METAP2: variants seen among roughly 807,000 people sequenced by gnomAD.
METAP2 encodes the protein methionyl aminopeptidase 2.
METAP2 carries 25 observed loss-of-function variants against 59.4 expected under a neutral mutation model. That is an observed-to-expected ratio of 0.42 (90% CI 0.31 to 0.59). METAP2 has a LOEUF of 0.59. METAP2 is among the 20% of genes least tolerant of loss of function. The pLI is 0.16. For missense variants in METAP2, 366 were observed against 581.2 expected, an observed-to-expected ratio of 0.63 and a Z score of 3.81; for synonymous variants, 214 against 194.1, an observed-to-expected ratio of 1.10 and a Z score of -0.85.
At chr12:95,481,862 T>TA (rs1435897068) in intron 2 of METAP2, among the ~76,000 whole-genome samples, 3 of 152,214 alleles carry the variant, frequency 2.0e-5, no homozygotes, top group Admixed American at 6.5e-5. Flanking sequence ...CTAAAACAAA[T>TA]ACTTCAAGAT....
chr12:95,474,339 A>T lies in METAP2; in HGVS notation c.151+9A>T. On this transcript the variant is annotated intron_variant, in intron 1 of 10. Transcript: ENST00000323666. Reference sequence around the variant, plus strand: ...CAAAGGGCCTTCTGCAGGTAAAGAGAGTTTTATGTTTTCCCAGTCCCCTCC... The same window carrying T: ...CAAAGGGCCTTCTGCAGGTAAAGAGTGTTTTATGTTTTCCCAGTCCCCTCC... 2 of 1,613,022 alleles carry T rather than the reference A, an allele frequency of 1.2e-6. No homozygotes were observed. The highest frequency in any genetic ancestry group is 1.7e-6 in the Non-Finnish European group (2 of 1,179,504).
At chr12:95,490,306 C>G (rs1245810629) in intron 4 of METAP2, among the ~76,000 whole-genome samples, 1 of 140,808 alleles carries the variant, frequency 7.1e-6, no homozygotes, top group African/African-American at 2.7e-5. Context: ...CATTTGAGAT[C>G]AGACTGCATT....
At chr12:95,513,261 T>C (rs980376696) in intron 10 of METAP2, among the ~76,000 whole-genome samples, 1 of 152,212 alleles carries the variant, frequency 6.6e-6, no homozygotes, top group Non-Finnish European at 1.5e-5. Context: ...TCAATTTACA[T>C]TGAAATTTTT....
At chr12:95,487,316 A>ATTT (rs5800208) in intron 4 of METAP2, among the ~76,000 whole-genome samples, 3 of 148,512 alleles carry the variant, frequency 2.0e-5, no homozygotes, top group Non-Finnish European at 4.5e-5. Context: ...TAAAGACACC[A>ATTT]TTTTTTTTTT....
chr12:95,478,075 C>T (rs552837216), intron 2 of METAP2, among the ~76,000 whole-genome samples: 4 of 152,188 alleles, frequency 2.6e-5, no homozygotes, highest in Non-Finnish European at 5.9e-5. Context: ...CCAGACAAGC[C>T]TGGGCAACAT....
At position 95,503,367 on chromosome 12, in the gene METAP2, T is replaced by A. The variant is rs1164279550; in HGVS notation, c.868-698T>A. 4.6e-5 allele frequency among the ~76,000 whole-genome samples: 7 copies of A among 152,316 alleles called. No homozygotes were observed. The East Asian group carries it at 1.2e-3, about 25-fold the overall frequency. ...TATATGCAGTTGTTTTTGAATGACC[T>A]AGTCTTTAATATCTGGGCCCCAGAG... On this transcript the variant is annotated intron_variant, in intron 7 of 10. Transcript: ENST00000323666.
intron 2 of METAP2, among the ~76,000 whole-genome samples, chr12:95,482,684 G>T (rs893230335): frequency 2.6e-5 from 4 of 152,042 alleles, no homozygotes; most frequent in Non-Finnish European, 4.4e-5. Context: ...TACTTGGGAG[G>T]TGGAGGCTGA....
At chr12:95,482,721 G>A (rs971419287) in intron 2 of METAP2, among the ~76,000 whole-genome samples, 9 of 152,184 alleles carry the variant, frequency 5.9e-5, no homozygotes, top group Non-Finnish European at 1.2e-4. Context: ...AAACCTGGGA[G>A]GCGGAGGTTG....
Position 95,502,486 on chromosome 12 carries a change from T to G in METAP2, c.868-1579T>G, listed in dbSNP as rs183419462. On this transcript the variant is annotated intron_variant, in intron 7 of 10. Coordinates refer to ENST00000323666, the MANE Select transcript of METAP2 (RefSeq NM_006838.4). ...CCCTTTTATATAGTGAATCACTTCT[T>G]TCTTGTTGCTTTCAGGTTTCCTTCT... is the stretch of plus-strand genomic sequence containing the variant. Among the ~76,000 whole-genome samples the G allele has an allele frequency of 2.6e-5, 4 of 152,292 alleles. 1 individual carries two copies. Among genetic ancestry groups the G allele is most frequent in the Admixed American group, 1.3e-4 (2 of 15,294 alleles).
intron 4 of METAP2, among the ~76,000 whole-genome samples, chr12:95,489,468 G>A (rs1395200454): frequency 6.6e-6 from 1 of 152,100 alleles, no homozygotes; most frequent in Non-Finnish European, 1.5e-5. Context: ...TGGTGTGTTT[G>A]CTTTTTAATA....
At chr12:95,488,527 AAAAAAAAAAAAAT>A (rs1361448870) in intron 4 of METAP2, among the ~76,000 whole-genome samples, 12 of 151,078 alleles carry the variant, frequency 7.9e-5, no homozygotes, top group African/African-American at 2.9e-4. Flanking sequence ...AAAAAAAAAA[AAAAAAAAAAAAAT>A]ACTTCTGAGT....
chr12:95,497,050 C>G (rs934978030), intron 7 of METAP2, among the ~76,000 whole-genome samples: 1 of 152,040 alleles, frequency 6.6e-6, no homozygotes, highest in Admixed American at 6.6e-5. Context: ...GTCTCAAACT[C>G]CTGATCTCAA....
At chr12:95,482,847 T>C (rs2076168968) in intron 2 of METAP2, among the ~76,000 whole-genome samples, 1 of 152,172 alleles carries the variant, frequency 6.6e-6, no homozygotes, top group South Asian at 2.1e-4. Flanking sequence ...AGTATTGGCA[T>C]TTTCATATGG....
At chr12:95,492,401 T>A (rs139092271) in intron 4 of METAP2, among the ~76,000 whole-genome samples, 9 of 152,148 alleles carry the variant, frequency 5.9e-5, no homozygotes, top group Admixed American at 2.0e-4. Flanking sequence ...TTTAAAAAAA[T>A]TTTTAGTCCA....
At chr12:95,481,590 G>A (rs1565775089) in intron 2 of METAP2, among the ~76,000 whole-genome samples, 2 of 152,160 alleles carry the variant, frequency 1.3e-5, no homozygotes, top group East Asian at 3.8e-4. Context: ...TATAAATGGT[G>A]GCTGTTTTTC....
chr12:95,485,727 G>A (rs1291353277), intron 3 of METAP2, 152 bp from the exon 4 acceptor site: 7 of 546,358 alleles, frequency 1.3e-5, no homozygotes, highest in Non-Finnish European at 2.2e-5. Flanking sequence ...GAGGTGGCCA[G>A]CATGATGAAG....
chr12:95,503,992 A>T, intron 7 of METAP2, 73 bp from the exon 8 acceptor site: 1 of 1,098,178 alleles, frequency 9.1e-7, no homozygotes, highest in Non-Finnish European at 1.4e-6. Flanking sequence ...CCTTGTTTTT[A>T]AATGTTACAA....
chr12:95,503,226 T>C (rs2076330151), intron 7 of METAP2, among the ~76,000 whole-genome samples: 1 of 152,194 alleles, frequency 6.6e-6, no homozygotes, highest in Non-Finnish European at 1.5e-5. Flanking sequence ...TTTGTGTTGG[T>C]TTTTTTGTTT....
At chr12:95,507,371 C>T (rs1177110537) in intron 8 of METAP2, among the ~76,000 whole-genome samples, 3 of 152,252 alleles carry the variant, frequency 2.0e-5, no homozygotes, top group South Asian at 2.1e-4. Flanking sequence ...AATCGCTCTT[C>T]GCATCCAGGA....
Sources: allele counts gnomAD v4.1 joint callset (sites outside exome capture counted in the v4.1 genomes callset), GRCh38; gene constraint gnomAD v4.1.1; transcripts MANE v1.5; gene names NCBI Gene and HGNC (gene_info 2026-07-23, HGNC 2026-07-21).